The following GPC6 variants were observed in gnomAD, a reference collection of about 807,000 sequenced individuals.
GPC6 encodes the protein glypican-6.
In GPC6, 14 loss-of-function variants were observed where a neutral mutation model predicts 55.2. The observed-to-expected ratio is 0.25, with a 90% CI of 0.17 to 0.40. GPC6 has a LOEUF of 0.40. GPC6 is among the 10% of genes least tolerant of loss of function. The probability of loss-of-function intolerance (pLI) is 1.00; values close to 1 mark genes in which losing one functional copy is unlikely to be tolerated. For synonymous variants in GPC6, 278 were observed against 259.6 expected (o/e 1.07, Z -0.68); for missense variants, 641 against 708.5 (o/e 0.90, Z 1.08).
chr13:94,288,934 G>GTTATATATATAACAAATATAT (rs1566638378), intron 5 of GPC6, among the ~76,000 whole-genome samples: 6 of 25,364 alleles, frequency 2.4e-4, no homozygotes, highest in South Asian at 1.2e-3. Flanking sequence ...AACAAATATA[G>GTTATATATATAACAAATATAT]ATAGATAGAT....
At chr13:93,951,356 A>G (rs542340765) in intron 3 of GPC6, among the ~76,000 whole-genome samples, 3 of 152,236 alleles carry the variant, frequency 2.0e-5, no homozygotes, top group African/African-American at 7.2e-5. Context: ...GGAGCCCTCT[A>G]GAGCAGGTCT....
chr13:93,973,444 C>T (rs1431134729), intron 3 of GPC6, among the ~76,000 whole-genome samples: 3 of 152,056 alleles, frequency 2.0e-5, no homozygotes, highest in Non-Finnish European at 1.5e-5. Flanking sequence ...CAAGTGACAA[C>T]AGGGTTAGAA....
At chr13:93,376,346 G>T (rs111273459) in intron 1 of GPC6, among the ~76,000 whole-genome samples, 8 of 152,176 alleles carry the variant, frequency 5.3e-5, no homozygotes, top group African/African-American at 1.9e-4. Flanking sequence ...AAAAGTGAGT[G>T]AACACAGTAC....
At chr13:93,224,751 C>T (rs1875712396), upstream of GPC6, among the ~76,000 whole-genome samples, 1 of 152,170 alleles carries the variant, frequency 6.6e-6, no homozygotes, top group Non-Finnish European at 1.5e-5. Context: ...TTGTCTCTTA[C>T]ACCACTGCAA....
chr13:93,322,211 GTGTCA>G (rs1879469100), intron 1 of GPC6, among the ~76,000 whole-genome samples: 1 of 152,058 alleles, frequency 6.6e-6, no homozygotes, highest in African/African-American at 2.4e-5. Flanking sequence ...AAGTAAACTT[GTGTCA>G]TGGAGTTTGT....
chr13:93,388,221 G>T (rs1451360008), intron 1 of GPC6, among the ~76,000 whole-genome samples: 1 of 152,158 alleles, frequency 6.6e-6, no homozygotes, highest in Non-Finnish European at 1.5e-5. Context: ...ACTGCCTAAT[G>T]ATTCTCTTTA....
intron 1 of GPC6, among the ~76,000 whole-genome samples, chr13:93,370,337 C>T (rs1594124770): frequency 6.6e-6 from 1 of 152,048 alleles, no homozygotes; most frequent in African/African-American, 2.4e-5. Flanking sequence ...ATAAACACCC[C>T]AACTTAAATT....
At chr13:94,000,081 G>C (rs1245881134) in intron 3 of GPC6, among the ~76,000 whole-genome samples, 1 of 152,090 alleles carries the variant, frequency 6.6e-6, no homozygotes, top group Non-Finnish European at 1.5e-5. Flanking sequence ...ATACTTCCCT[G>C]TGTCTGTGCT....
intron 6 of GPC6, among the ~76,000 whole-genome samples, chr13:94,374,244 G>T (rs1442993811): frequency 2.0e-5 from 3 of 150,906 alleles, no homozygotes; most frequent in African/African-American, 7.3e-5. Context: ...TGGACTAAAT[G>T]CTCCAATTAA....
At chr13:93,367,685 G>A (rs1881299383) in intron 1 of GPC6, among the ~76,000 whole-genome samples, 1 of 152,010 alleles carries the variant, frequency 6.6e-6, no homozygotes, top group Admixed American at 6.6e-5. Flanking sequence ...CTGCCTCTTT[G>A]ACCCATAGAT....
intron 6 of GPC6, among the ~76,000 whole-genome samples, chr13:94,324,034 C>T (rs940885850): frequency 7.9e-5 from 12 of 152,010 alleles, no homozygotes; most frequent in African/African-American, 2.7e-4. Flanking sequence ...GCATTGTTGT[C>T]GAATAAAGTT....
At chr13:93,777,444 AC>A (rs1456047659) in intron 2 of GPC6, among the ~76,000 whole-genome samples, 1 of 152,166 alleles carries the variant, frequency 6.6e-6, no homozygotes, top group African/African-American at 2.4e-5. Flanking sequence ...TGACACTACT[AC>A]TTTTTTGTTG....
Position 93,607,101 on chromosome 13 carries a change from A to G in GPC6, c.319+61680A>G, listed in dbSNP as rs1878265516. Among the ~76,000 whole-genome samples the G allele has an allele frequency of 2.0e-5, 3 of 152,194 alleles. No individual in the cohort carries two copies. The South Asian group carries it at 6.2e-4, about 31-fold the overall frequency. On this transcript the variant is annotated intron_variant, in intron 2 of 8. Coordinates refer to ENST00000377047, the MANE Select transcript of GPC6 (RefSeq NM_005708.5). Reference sequence around the variant, plus strand: ...ACAGAATGTCTTAGAAATCTATGATATAATCTGGCTTAATTATTAAGCCAT... The same window carrying G: ...ACAGAATGTCTTAGAAATCTATGATGTAATCTGGCTTAATTATTAAGCCAT...
chr13:94,208,753 CAAAAAAAAAAAA>C lies in GPC6; in HGVS notation c.878-77581_878-77570del, dbSNP rs762261930. Among the ~76,000 whole-genome samples, 8 of 36,240 alleles carry C rather than the reference CAAAAAAAAAAAA, an allele frequency of 2.2e-4. No homozygotes were observed. In the East Asian group the frequency reaches 3.1e-3, roughly 14 times the overall value. 23.8% of individuals were successfully genotyped at this position (36,240 alleles called of 152,430 possible). The stretch of plus-strand genomic sequence containing the variant: ...GCAGCAAAGCAAGACTCCCATCTCC[CAAAAAAAAAAAA>C]AAAAAAAAAAAAAACAAGCTGGGCC... On this transcript the variant is annotated intron_variant, in intron 4 of 8. Transcript: ENST00000377047.
chr13:93,637,307 G>T (rs1879740038), intron 2 of GPC6, among the ~76,000 whole-genome samples: 1 of 151,966 alleles, frequency 6.6e-6, no homozygotes, highest in Non-Finnish European at 1.5e-5. Flanking sequence ...ATAATTATTT[G>T]TGCTCCTTGG....
intron 4 of GPC6, among the ~76,000 whole-genome samples, chr13:94,237,165 A>G (rs1219339012): frequency 6.6e-6 from 1 of 152,172 alleles, no homozygotes; most frequent in African/African-American, 2.4e-5. Context: ...AAGTGAGCTG[A>G]GGTAGAAAAA....
At chr13:93,603,815 T>TAC (rs1475407695) in intron 2 of GPC6, among the ~76,000 whole-genome samples, 1 of 152,214 alleles carries the variant, frequency 6.6e-6, no homozygotes. Flanking sequence ...GAGAAACAGA[T>TAC]ACTTTTTTAA....
intron 4 of GPC6, among the ~76,000 whole-genome samples, chr13:94,193,141 G>T (rs1889454648): frequency 6.6e-6 from 1 of 151,474 alleles, no homozygotes; most frequent in South Asian, 2.1e-4. Context: ...AAACTATTAT[G>T]AATTCAGTCT....
At chr13:94,222,588 T>TA (rs1890418133) in intron 4 of GPC6, among the ~76,000 whole-genome samples, 2 of 152,118 alleles carry the variant, frequency 1.3e-5, no homozygotes, top group Non-Finnish European at 1.5e-5. Flanking sequence ...GCTCCCTGGT[T>TA]AGATTCATCC....
Sources: allele counts gnomAD v4.1 joint callset (sites outside exome capture counted in the v4.1 genomes callset), GRCh38; gene constraint gnomAD v4.1.1; transcripts MANE v1.5; gene names NCBI Gene and HGNC (gene_info 2026-07-23, HGNC 2026-07-21).